Variants in SLCO2A1 observed in about 807,000 individuals in gnomAD.
SLCO2A1 encodes solute carrier organic anion transporter family member 2A1.
In SLCO2A1, 60 loss-of-function variants were observed where a neutral mutation model predicts 71.7. That is an observed-to-expected ratio of 0.84 (90% CI 0.68 to 1.04). The LOEUF (loss-of-function observed/expected upper bound fraction) is 1.04. Ranked by LOEUF, SLCO2A1 falls within the 50% of genes least tolerant of loss-of-function variation. SLCO2A1 has a pLI of 0.00. For synonymous variants in SLCO2A1, 308 were observed against 326.7 expected (o/e 0.94, Z 0.62); for missense variants, 745 against 813.4 (o/e 0.92, Z 1.02).
At chr3:134,020,037 T>G (rs1056226445) in intron 1 of SLCO2A1, among the ~76,000 whole-genome samples, 3 of 152,156 alleles carry the variant, frequency 2.0e-5, no homozygotes, top group African/African-American at 7.2e-5. Flanking sequence ...ATCGGTTATG[T>G]TATCTGTAGA....
intron 1 of SLCO2A1, among the ~76,000 whole-genome samples, chr3:134,000,215 G>A (rs764436582): frequency 6.6e-6 from 1 of 152,184 alleles, no homozygotes; most frequent in Non-Finnish European, 1.5e-5. Context: ...GCAGCTTGAG[G>A]CTGTGGGGCT....
At chr3:134,025,933 G>A (rs1212740240) in intron 1 of SLCO2A1, among the ~76,000 whole-genome samples, 3 of 152,118 alleles carry the variant, frequency 2.0e-5, no homozygotes, top group African/African-American at 2.4e-5. Flanking sequence ...GAAATTCCAG[G>A]AAAAACAAGA....
intron 3 of SLCO2A1, among the ~76,000 whole-genome samples, chr3:133,964,093 C>A (rs148084134): frequency 1.3e-5 from 2 of 152,338 alleles, no homozygotes; most frequent in East Asian, 3.9e-4. Context: ...TGGGCAAATG[C>A]ACTCAGTTTC....
chr3:134,029,896 T>A lies in SLCO2A1; in HGVS notation c.-94A>T. The A allele has an allele frequency of 3.4e-6, 2 of 596,736 alleles. No individual in the cohort carries two copies. The highest frequency in any genetic ancestry group is 4.9e-6 in the Non-Finnish European group (2 of 409,708). The allele number at this position is 596,736 out of a possible 1,614,324, so 37.0% of individuals were successfully genotyped here. On this transcript the variant is annotated 5_prime_UTR_variant, in exon 1 of 14. Coordinates refer to ENST00000310926, the MANE Select transcript of SLCO2A1 (RefSeq NM_005630.3). ...GGGTGAGAGGCGACCGCGGCGGCAG[T>A]GGCCGGAGGAGATTCGCGGAGCGGA...
At chr3:134,020,265 C>T (rs2108078783) in intron 1 of SLCO2A1, among the ~76,000 whole-genome samples, 1 of 152,298 alleles carries the variant, frequency 6.6e-6, no homozygotes, top group East Asian at 1.9e-4. Flanking sequence ...GCCGATGCCC[C>T]CAGCCAAATA....
intron 1 of SLCO2A1, among the ~76,000 whole-genome samples, chr3:134,000,974 C>T (rs1192908907): frequency 2.0e-5 from 3 of 152,230 alleles, no homozygotes; most frequent in Non-Finnish European, 4.4e-5. Context: ...CAGAACTTCT[C>T]TTGCTAAATT....
intron 1 of SLCO2A1, among the ~76,000 whole-genome samples, chr3:134,001,669 G>GA (rs886605373): frequency 4.8e-4 from 73 of 152,170 alleles, no homozygotes; most frequent in Admixed American, 3.9e-3. Context: ...GAAACGGAAT[G>GA]AAAGGTGAGA....
intron 3 of SLCO2A1, among the ~76,000 whole-genome samples, chr3:133,959,408 A>AAAAAC (rs1933977154): frequency 6.6e-6 from 1 of 152,086 alleles, no homozygotes; most frequent in African/African-American, 2.4e-5. Context: ...AAAAAAAAAA[A>AAAAAC]AAACAGAAAA....
At chr3:134,017,413 C>G (rs554680958) in intron 1 of SLCO2A1, among the ~76,000 whole-genome samples, 1 of 152,152 alleles carries the variant, frequency 6.6e-6, no homozygotes, top group Non-Finnish European at 1.5e-5. Flanking sequence ...CCCCAGATTC[C>G]GCAGTGATAA....
At chr3:133,969,125 C>A (rs1180975938) in intron 3 of SLCO2A1, among the ~76,000 whole-genome samples, 9 of 152,158 alleles carry the variant, frequency 5.9e-5, no homozygotes, top group African/African-American at 2.2e-4. Flanking sequence ...ACAACAAGGG[C>A]AGGCAAATAG....
At chr3:134,011,291 C>G (rs749517528) in intron 1 of SLCO2A1, among the ~76,000 whole-genome samples, 1 of 152,146 alleles carries the variant, frequency 6.6e-6, no homozygotes, top group Admixed American at 6.5e-5. Flanking sequence ...CCTTGTGATC[C>G]GCCCACCTTG....
At chr3:133,992,758 G>A in intron 1 of SLCO2A1, among the ~76,000 whole-genome samples, 1 of 152,130 alleles carries the variant, frequency 6.6e-6, no homozygotes, top group African/African-American at 2.4e-5. Context: ...GTCTGTCCAG[G>A]GACAGCTGGA....
intron 9 of SLCO2A1, among the ~76,000 whole-genome samples, chr3:133,947,030 G>GCTTGAACCTGGGAGAATCA (rs1176708634): frequency 6.6e-6 from 1 of 151,942 alleles, no homozygotes; most frequent in African/African-American, 2.4e-5. Flanking sequence ...CATGAGAATT[G>GCTTGAACCTGGGAGAATCA]CTTGAACCTG....
chr3:133,971,775 T>C (rs1466340833), intron 3 of SLCO2A1, among the ~76,000 whole-genome samples: 1 of 152,174 alleles, frequency 6.6e-6, no homozygotes, highest in Admixed American at 6.5e-5. Context: ...CAAATGTCTA[T>C]CACAAAACCA....
intron 1 of SLCO2A1, among the ~76,000 whole-genome samples, chr3:134,000,786 G>A (rs547457469): frequency 6.6e-6 from 1 of 152,148 alleles, no homozygotes; most frequent in Middle Eastern, 3.2e-3. Context: ...CAATGTTGGA[G>A]CTCCCTGAGC....
At chr3:133,954,652 G>GCCCAACAC (rs1295954754) in intron 4 of SLCO2A1, among the ~76,000 whole-genome samples, 6 of 152,168 alleles carry the variant, frequency 3.9e-5, no homozygotes, top group Non-Finnish European at 7.3e-5. Flanking sequence ...TCCATCCAGT[G>GCCCAACAC]CCCAACACCA....
intron 1 of SLCO2A1, among the ~76,000 whole-genome samples, chr3:134,019,111 G>A (rs1935519252): frequency 6.6e-6 from 1 of 152,166 alleles, no homozygotes; most frequent in South Asian, 2.1e-4. Context: ...GCACACCCCT[G>A]CTAAACCAGT....
chr3:133,934,775 T>A lies in SLCO2A1; in HGVS notation c.1870A>T (p.Ile624Phe), dbSNP rs747565677. 2 of 1,613,212 alleles carry A rather than the reference T, an allele frequency of 1.2e-6. No homozygotes were observed. The highest frequency in any genetic ancestry group is 1.7e-4 in the Middle Eastern group (1 of 5,966). Residue 624 changes from isoleucine (I) to phenylalanine (F), a missense_variant, in exon 14 of 14, where the codon ATC (isoleucine) becomes TTC (phenylalanine). Physicochemically the swap from Ile to Phe is conservative, Grantham distance 21. Transcript: ENST00000310926. ...TTGTTCTTCTTCACCCTCCAGCTGATGAAGCAAAGCAGCAGCATGCCCAGC... is the reference window on the plus strand; with the variant it reads ...TTGTTCTTCTTCACCCTCCAGCTGAAGAAGCAAAGCAGCAGCATGCCCAGC... ...KALGMLLLCF[I>F]SWRVKKNKEY...
intron 12 of SLCO2A1, 85 bp from the exon 13 acceptor site, chr3:133,935,982 C>T (rs1179795287): frequency 4.4e-6 from 6 of 1,373,906 alleles, no homozygotes; most frequent in Admixed American, 5.2e-5. Flanking sequence ...GTCCCCGACA[C>T]AGTTCACATA....
Sources: allele counts gnomAD v4.1 joint callset (sites outside exome capture counted in the v4.1 genomes callset), GRCh38; gene constraint gnomAD v4.1.1; transcripts MANE v1.5; gene names NCBI Gene and HGNC (gene_info 2026-07-23, HGNC 2026-07-21).